Variants in SRGAP3 observed in about 807,000 individuals in gnomAD.
SRGAP3 encodes SLIT-ROBO Rho GTPase-activating protein 3.
Under a neutral mutation model 121.1 loss-of-function variants are expected in SRGAP3, and 39 were observed. That is an observed-to-expected ratio of 0.32 (90% CI 0.25 to 0.42). The LOEUF is 0.42. Ranked by LOEUF, SRGAP3 falls within the 10% of genes least tolerant of loss-of-function variation. SRGAP3 has a pLI of 1.00. For synonymous variants in SRGAP3, 601 were observed against 570.0 expected, an observed-to-expected ratio of 1.05 and a Z score of -0.77; for missense variants, 1,213 against 1,470.6, an observed-to-expected ratio of 0.82 and a Z score of 2.86.
At chr3:9,323,130 AC>A (rs1338523340) in intron 3 of SRGAP3, among the ~76,000 whole-genome samples, 3 of 151,794 alleles carry the variant, frequency 2.0e-5, no homozygotes, top group Non-Finnish European at 4.4e-5. Flanking sequence ...AAAAAAGAAA[AC>A]TACTGTGGTG....
At chr3:9,216,810 T>G (rs186973029) in intron 1 of SRGAP3, 1 of 152,470 alleles carries the variant, frequency 6.6e-6, no homozygotes, top group Non-Finnish European at 1.5e-5. Context: ...CCTCTACGCA[T>G]ACAATGGGAT....
intron 1 of SRGAP3, among the ~76,000 whole-genome samples, chr3:9,345,823 G>A (rs75935005): frequency 1.4e-3 from 215 of 150,970 alleles, no homozygotes; most frequent in African/African-American, 5.1e-3. Context: ...AAAAGAAAGA[G>A]AGAGAGAACA....
At chr3:9,007,248 G>A (rs1304253708) in intron 18 of SRGAP3, 1 of 152,168 alleles carries the variant, frequency 6.6e-6, no homozygotes, top group Non-Finnish European at 1.5e-5. Flanking sequence ...GGGGTTACAG[G>A]TGTGAGCCAC....
chr3:9,329,570 G>A (rs1460546021), intron 2 of SRGAP3, among the ~76,000 whole-genome samples: 1 of 152,160 alleles, frequency 6.6e-6, no homozygotes, highest in African/African-American at 2.4e-5. Context: ...GTCTGGGTAA[G>A]ATGGTCACCC....
At chr3:8,990,935 T>TC in intron 20 of SRGAP3, 96 bp from the exon 21 acceptor site, 2 of 1,106,348 alleles carry the variant, frequency 1.8e-6, no homozygotes, top group South Asian at 1.7e-5. Flanking sequence ...CACTACACGC[T>TC]AGTCTAAGGA....
intron 1 of SRGAP3, chr3:9,194,039 A>G (rs958341561): frequency 1.3e-5 from 2 of 152,284 alleles, no homozygotes; most frequent in African/African-American, 2.4e-5. Context: ...TCATTTGCCT[A>G]TTCAACAGTT....
intron 1 of SRGAP3, among the ~76,000 whole-genome samples, chr3:9,158,213 G>A (rs1950487118): frequency 6.6e-6 from 1 of 152,188 alleles, no homozygotes; most frequent in Admixed American, 6.5e-5. Context: ...TCAAACCTGG[G>A]AGGGTTCTGT....
At chr3:9,120,677 T>C (rs1948971794) in intron 2 of SRGAP3, among the ~76,000 whole-genome samples, 1 of 152,132 alleles carries the variant, frequency 6.6e-6, no homozygotes, top group Non-Finnish European at 1.5e-5. Flanking sequence ...ACTGATTCCC[T>C]CTCCACTTCC....
intron 2 of SRGAP3, among the ~76,000 whole-genome samples, chr3:9,114,074 TC>T (rs1281685456): frequency 1.3e-5 from 2 of 152,112 alleles, no homozygotes; most frequent in East Asian, 3.9e-4. Context: ...ATCCATTGAG[TC>T]CCCTGGCCAA....
chr3:9,305,955 T>G (rs947906879), intron 3 of SRGAP3, among the ~76,000 whole-genome samples: 20 of 152,248 alleles, frequency 1.3e-4, no homozygotes, highest in Admixed American at 7.2e-4. Flanking sequence ...AAATGGTATT[T>G]CCAGTTCTAG....
At chr3:9,342,182 C>A (rs2125290499) in intron 1 of SRGAP3, among the ~76,000 whole-genome samples, 1 of 152,210 alleles carries the variant, frequency 6.6e-6, no homozygotes, top group African/African-American at 2.4e-5. Flanking sequence ...AAAACCCCAT[C>A]TCTACTAAAA....
At chr3:9,202,041 C>T (rs140867810) in intron 1 of SRGAP3, among the ~76,000 whole-genome samples, 158 of 147,104 alleles carry the variant, frequency 1.1e-3, no homozygotes, top group African/African-American at 3.9e-3. Context: ...ACAGTGAAGC[C>T]GGTTTCTTTG....
At position 8,982,096 on chromosome 3, in the gene SRGAP3, G is replaced by A; in HGVS notation, c.*3423C>T. ...GCTTGTTCTCAATTTTATCCAAAAA[G>A]CTCTTTAGTGGCAGCTGAGCCACAA... On this transcript the variant is annotated 3_prime_UTR_variant, in exon 22 of 22. Coordinates refer to ENST00000383836, the MANE Select transcript of SRGAP3 (RefSeq NM_014850.4). The A allele has an allele frequency of 4.4e-6, 1 of 225,936 alleles. No homozygotes were observed. The highest frequency in any genetic ancestry group is 8.8e-6 in the Non-Finnish European group (1 of 113,208). 14.0% of individuals were successfully genotyped at this position (225,936 alleles called of 1,614,324 possible). A position where few individuals can be genotyped will look rare whatever the true frequency, so the allele number is the denominator to read the frequency against.
At chr3:9,107,386 G>C (rs1042773431) in intron 2 of SRGAP3, among the ~76,000 whole-genome samples, 2 of 152,232 alleles carry the variant, frequency 1.3e-5, no homozygotes, top group African/African-American at 4.8e-5. Flanking sequence ...TGCTGGAGAA[G>C]CTGCAGAAGG....
chr3:9,206,054 C>T (rs768752112), intron 1 of SRGAP3, among the ~76,000 whole-genome samples: 33 of 152,070 alleles, frequency 2.2e-4, no homozygotes, highest in Non-Finnish European at 4.3e-4. Flanking sequence ...ATAGTGGTGA[C>T]GGTTGCATGA....
intron 4 of SRGAP3, among the ~76,000 whole-genome samples, chr3:9,066,247 C>G (rs1428286011): frequency 6.6e-6 from 1 of 152,188 alleles, no homozygotes; most frequent in Non-Finnish European, 1.5e-5. Flanking sequence ...AGTGTATGAT[C>G]ATCTTTCTAT....
chr3:9,123,381 AT>A (rs1172391358), intron 2 of SRGAP3, among the ~76,000 whole-genome samples: 1 of 34,076 alleles, frequency 2.9e-5, no homozygotes, highest in East Asian at 6.7e-4. Context: ...AAATATATAT[AT>A]ATATATACAT....
At chr3:9,245,600 G>A (rs1453115180) in intron 1 of SRGAP3, among the ~76,000 whole-genome samples, 2 of 152,186 alleles carry the variant, frequency 1.3e-5, no homozygotes, top group Non-Finnish European at 2.9e-5. Context: ...ATAAGTAGAT[G>A]AGAGACATAT....
At chr3:9,126,459 G>A (rs2124990036) in intron 1 of SRGAP3, among the ~76,000 whole-genome samples, 1 of 152,110 alleles carries the variant, frequency 6.6e-6, no homozygotes, top group African/African-American at 2.4e-5. Flanking sequence ...GTGAAACCCT[G>A]TCTCTACTAA....
Sources: gnomAD v4.1 joint callset for allele counts (sites outside exome capture counted in the v4.1 genomes callset) on GRCh38, gnomAD v4.1.1 for gene constraint, MANE v1.5 for transcripts, NCBI Gene and HGNC (gene_info 2026-07-23, HGNC 2026-07-21) for gene names.